The following LCMT2 variants were observed in gnomAD, a reference collection of about 807,000 sequenced individuals.
LCMT2 encodes the protein tRNA wybutosine-synthesizing protein 4.
LCMT2 carries 34 observed loss-of-function variants against 42.0 expected under a neutral mutation model. The ratio of observed to expected loss-of-function variants is 0.81; its 90% CI spans 0.62 to 1.08. The LOEUF (loss-of-function observed/expected upper bound fraction) is 1.08. LCMT2 is among the 50% of genes least tolerant of loss of function. The pLI is 0.00. For synonymous variants in LCMT2, 445 were observed against 369.5 expected (o/e 1.20, Z -2.34); for missense variants, 1,091 against 889.4 (o/e 1.23, Z -2.88).
Position 43,328,928 on chromosome 15 carries a change from C to T in LCMT2, c.1562G>A (p.Trp521Ter). 6.2e-7 allele frequency: 1 copy of T among 1,614,180 alleles called. No homozygotes were observed. Among genetic ancestry groups the T allele is most frequent in the Non-Finnish European group, 8.5e-7 (1 of 1,180,036 alleles). ...TTCTCCCTCCACTGGGATCCTGACCCAAGCCATTGTCCCTACATGGAGGAA... is the reference window on the plus strand; with the variant it reads ...TTCTCCCTCCACTGGGATCCTGACCTAAGCCATTGTCCCTACATGGAGGAA... ...WHFLHVGTMA[W>*]VRIPVEGEVP... is the part of the protein sequence containing the mutation. The change falls in exon 1 of 1, where the codon TGG becomes TAG. Residue 521 changes from tryptophan to a stop codon, truncating the protein, a stop_gained. Coordinates refer to ENST00000305641, the MANE Select transcript of LCMT2 (RefSeq NM_014793.5). LOFTEE classifies it high-confidence loss of function.
chr15:43,325,216 C>A lies in LCMT2; in HGVS notation c.*3213G>T, dbSNP rs1236580185. ...GTAGTTTATCTGGTCTAGAAGTAATCCCTAAAAGAGGAAGAGACCTGTTCA... is the reference window on the plus strand; with the variant it reads ...GTAGTTTATCTGGTCTAGAAGTAATACCTAAAAGAGGAAGAGACCTGTTCA... On this transcript the variant is annotated 3_prime_UTR_variant, in exon 1 of 1. Coordinates refer to ENST00000305641, the MANE Select transcript of LCMT2 (RefSeq NM_014793.5). 6.6e-6 allele frequency: 1 copy of A among 152,186 alleles called. No homozygotes were observed. Among genetic ancestry groups the A allele is most frequent in the Non-Finnish European group, 1.5e-5 (1 of 68,028 alleles). The allele number at this position is 152,186 out of a possible 1,614,324, so 9.4% of individuals were successfully genotyped here.
Position 43,328,759 on chromosome 15 carries a change from T to A in LCMT2, c.1731A>T (p.Val577=). Residue 577 remains valine, a synonymous_variant, in exon 1 of 1, where the codon GTA becomes GTT. Transcript: ENST00000305641. The part of the protein sequence containing the change: ...PISCGFLWES[V]DIQPPITPRY... ...TTGGGGTAATGGGAGGCTGGATGTC[T>A]ACTGACTCCCAGAGGAATCCACAAG... 6.2e-7 allele frequency: 1 copy of A among 1,613,764 alleles called. No individual in the cohort carries two copies. Among genetic ancestry groups the A allele is most frequent in the Non-Finnish European group, 8.5e-7 (1 of 1,180,028 alleles).
Position 43,326,073 on chromosome 15 carries a change from G to C in LCMT2, c.*2356C>G, listed in dbSNP as rs551364952. The C allele has an allele frequency of 5.0e-5, 4 of 79,616 alleles. No individual in the cohort carries two copies. Among genetic ancestry groups the C allele is most frequent in the African/African-American group, 1.5e-4 (3 of 20,316 alleles). The allele number at this position is 79,616 out of a possible 1,614,324, so 4.9% of individuals were successfully genotyped here. A position where few individuals can be genotyped will look rare whatever the true frequency, so the allele number is the denominator to read the frequency against. Reference sequence around the variant, plus strand: ...TTTTTTTTTTTTTTTTTTTTGGGTAGAGACGGAGTTTCACCATATTGGCCA... The same window carrying C: ...TTTTTTTTTTTTTTTTTTTTGGGTACAGACGGAGTTTCACCATATTGGCCA... On this transcript the variant is annotated 3_prime_UTR_variant, in exon 1 of 1. Transcript: ENST00000305641.
rs1474126548 is a variant in LCMT2, at chr15:43,325,017, C to A, written c.*3412G>T. The A allele has an allele frequency of 6.6e-6, 1 of 151,908 alleles. No homozygotes were observed. The highest frequency in any genetic ancestry group is 1.5e-5 in the Non-Finnish European group (1 of 68,010). The allele number at this position is 151,908 out of a possible 1,614,324, so 9.4% of individuals were successfully genotyped here. A position where few individuals can be genotyped will look rare whatever the true frequency, so the allele number is the denominator to read the frequency against. On this transcript the variant is annotated 3_prime_UTR_variant, in exon 1 of 1. Coordinates refer to ENST00000305641, the MANE Select transcript of LCMT2 (RefSeq NM_014793.5). ...AAGCTCCAGAAAGATGAAAAACGGG[C>A]ACTCAGTTTTAAAACTCAGAAAGTA...
rs1264795019 is a variant in LCMT2, at chr15:43,328,707, T to A, written c.1783A>T (p.Asn595Tyr). ...CCTCCAACCAGTAACAGCTTTCCAT[T>A]GAGCACATGAGCTGTGTGGGAGTAC... ...PRYSHTAHVL[N>Y]GKLLLVGGIW... The change falls in exon 1 of 1, where the codon AAT becomes TAT. Residue 595 changes from asparagine (N) to tyrosine (Y), a missense_variant. Transcript: ENST00000305641. The A allele has an allele frequency of 1.9e-6, 3 of 1,614,156 alleles. No individual in the cohort carries two copies. The highest frequency in any genetic ancestry group is 2.5e-6 in the Non-Finnish European group (3 of 1,180,038).
chr15:43,328,578 A>C lies in LCMT2; in HGVS notation c.1912T>G (p.Leu638Val), dbSNP rs756957114. Residue 638 changes from leucine to valine, a missense_variant, in exon 1 of 1, where the codon TTA becomes GTA. Physicochemically the swap from Leu to Val is conservative, Grantham distance 32. Coordinates refer to ENST00000305641, the MANE Select transcript of LCMT2 (RefSeq NM_014793.5). Reference protein sequence around the residue: ...QIDTTYVPWPLMLHNHTSILL... With the variant: ...QIDTTYVPWPVMLHNHTSILL... ...ATACTAGTATGGTTGTGTAACATTA[A>C]TGGCCATGGCACATATGTTGTGTCA... is the stretch of plus-strand genomic sequence containing the variant. 4 of 1,614,236 alleles carry C rather than the reference A, an allele frequency of 2.5e-6. No individual in the cohort carries two copies. The South Asian group carries it at 4.4e-5, about 18-fold the overall frequency.
At position 43,325,217 on chromosome 15, in the gene LCMT2, C is replaced by T. The variant is rs535644828; in HGVS notation, c.*3212G>A. On this transcript the variant is annotated 3_prime_UTR_variant, in exon 1 of 1. Transcript: ENST00000305641. Reference sequence around the variant, plus strand: ...TAGTTTATCTGGTCTAGAAGTAATCCCTAAAAGAGGAAGAGACCTGTTCAT... The same window carrying T: ...TAGTTTATCTGGTCTAGAAGTAATCTCTAAAAGAGGAAGAGACCTGTTCAT... 2 of 152,090 alleles carry T rather than the reference C, an allele frequency of 1.3e-5. No homozygotes were observed. Among genetic ancestry groups the T allele is most frequent in the East Asian group, 3.9e-4 (2 of 5,172 alleles). 9.4% of individuals were successfully genotyped at this position (152,090 alleles called of 1,614,324 possible).
chr15:43,328,343 G>A lies in LCMT2; in HGVS notation c.*86C>T. On this transcript the variant is annotated 3_prime_UTR_variant, in exon 1 of 1. Coordinates refer to ENST00000305641, the MANE Select transcript of LCMT2 (RefSeq NM_014793.5). ...GAAAAAAAGGATGGGGAAAGGAGGA[G>A]TGGCAGTATCTATAGCTAGAGGGTC... 1 of 1,360,964 alleles carries A rather than the reference G, an allele frequency of 7.3e-7. No homozygotes were observed. The highest frequency in any genetic ancestry group is 2.2e-5 in the Admixed American group (1 of 45,892). The allele number at this position is 1,360,964 out of a possible 1,614,324, so 84.3% of individuals were successfully genotyped here. A position where few individuals can be genotyped will look rare whatever the true frequency, so the allele number is the denominator to read the frequency against.
In LCMT2 at chr15:43,330,570, AG is replaced by A; in HGVS notation, c.-82del. The stretch of plus-strand genomic sequence containing the variant: ...TAGCACACACCTCACGGACCTCGGT[AG>A]GGGGAAAAAAACCACCCATGCTCCT... On this transcript the variant is annotated 5_prime_UTR_variant, in exon 1 of 1. Transcript: ENST00000305641. 6.9e-7 allele frequency: 1 copy of A among 1,453,024 alleles called. No individual in the cohort carries two copies. The highest frequency in any genetic ancestry group is 9.1e-7 in the Non-Finnish European group (1 of 1,104,256). The allele number at this position is 1,453,024 out of a possible 1,614,324, so 90.0% of individuals were successfully genotyped here. A position where few individuals can be genotyped will look rare whatever the true frequency, so the allele number is the denominator to read the frequency against.
In LCMT2 at chr15:43,328,552, G is replaced by T. The variant is rs540767087; in HGVS notation, c.1938C>A (p.Ile646=). 1.3e-5 allele frequency: 21 copies of T among 1,614,208 alleles called. No individual in the cohort carries two copies. The South Asian group carries it at 2.1e-4, about 16-fold the overall frequency. ...WPLMLHNHTS[I]LLPEEQQLLL... ...GGAGCTGTTGCTCTTCAGGAAGAAG[G>T]ATACTAGTATGGTTGTGTAACATTA... is the stretch of plus-strand genomic sequence containing the variant. Residue 646 remains isoleucine (I), a synonymous_variant, in exon 1 of 1, where the codon ATC becomes ATA. Transcript: ENST00000305641.
At position 43,328,605 on chromosome 15, in the gene LCMT2, T is replaced by C; in HGVS notation, c.1885A>G (p.Ile629Val). The C allele has an allele frequency of 6.2e-7, 1 of 1,614,240 alleles. No individual in the cohort carries two copies. The highest frequency in any genetic ancestry group is 2.2e-5 in the East Asian group (1 of 44,888). ...LTTGLSSEYQ[I>V]DTTYVPWPLM... The stretch of plus-strand genomic sequence containing the variant: ...GGCCATGGCACATATGTTGTGTCAA[T>C]CTGATACTCAGAGCTCAATCCTGTA... The change falls in exon 1 of 1, where the codon ATT (isoleucine) becomes GTT (valine). Residue 629 changes from isoleucine (I) to valine (V), a missense_variant. Coordinates refer to ENST00000305641, the MANE Select transcript of LCMT2 (RefSeq NM_014793.5).
Position 43,328,845 on chromosome 15 carries a change from C to CA in LCMT2, c.1644dup (p.Ala549CysfsTer8), listed in dbSNP as rs1263140873. On this transcript the variant is annotated frameshift_variant, in exon 1 of 1. Transcript: ENST00000305641. LOFTEE classifies it high-confidence loss of function. ...TCCTCAGAAGCCCCGAGACCTCCAG[C>CA]AATAAGGGCTCCCCCTTGCCAAGTG... The CA allele has an allele frequency of 6.2e-7, 1 of 1,613,728 alleles. No homozygotes were observed. Among genetic ancestry groups the CA allele is most frequent in the East Asian group, 2.2e-5 (1 of 44,878 alleles).
chr15:43,329,714 A>G lies in LCMT2; in HGVS notation c.776T>C (p.Leu259Pro), dbSNP rs1555387887. ...PDVEAQRRRFLQAGWTACGAV... is the reference protein window; with the variant it reads ...PDVEAQRRRFPQAGWTACGAV... ...ACCGCAGGCGGTCCAGCCAGCTTGA[A>G]GGAAGCGGCGCCGCTGCGCCTCCAC... Residue 259 changes from leucine (L) to proline (P), a missense_variant, in exon 1 of 1, where the codon CTT becomes CCT. Coordinates refer to ENST00000305641, the MANE Select transcript of LCMT2 (RefSeq NM_014793.5). 1 of 1,613,442 alleles carries G rather than the reference A, an allele frequency of 6.2e-7. No homozygotes were observed. Among genetic ancestry groups the G allele is most frequent in the Admixed American group, 1.7e-5 (1 of 60,024 alleles).
rs1566854779 is a variant in LCMT2 at position 43,328,855 on chromosome 15, TC to T, written c.1634del (p.Gly545GlufsTer15). 6.2e-7 allele frequency: 1 copy of T among 1,613,566 alleles called. No individual in the cohort carries two copies. The highest frequency in any genetic ancestry group is 8.5e-7 in the Non-Finnish European group (1 of 1,179,954). ...HSHSACTWQGGALIAGGLGAS... is the reference protein window; with the variant it reads ...HSHSACTWQGXALIAGGLGAS... ...CCCCGAGACCTCCAGCAATAAGGGCTCCCCCTTGCCAAGTGCAGGCACTGTG... is the reference window on the plus strand; with the variant it reads ...CCCCGAGACCTCCAGCAATAAGGGCTCCCCTTGCCAAGTGCAGGCACTGTG... On this transcript the variant is annotated frameshift_variant, in exon 1 of 1. Coordinates refer to ENST00000305641, the MANE Select transcript of LCMT2 (RefSeq NM_014793.5). LOFTEE classifies it high-confidence loss of function.
Position 43,330,239 on chromosome 15 carries a change from T to A in LCMT2, c.251A>T (p.Gln84Leu), listed in dbSNP as rs747212604. 1.2e-6 allele frequency: 2 copies of A among 1,606,484 alleles called. No homozygotes were observed. The highest frequency in any genetic ancestry group is 1.3e-5 in the African/African-American group (1 of 74,240). Residue 84 changes from glutamine (Q) to leucine (L), a missense_variant, in exon 1 of 1, where the codon CAG (glutamine) becomes CTG (leucine). Transcript: ENST00000305641. ...GAAGCCAGCGCCGAGAGACAAGATC[T>A]GCGCGCGAAGCGCGGCCTGGGGCGC... ...IGAPQAALRA[Q>L]ILSLGAGFDS...
At position 43,328,455 on chromosome 15, in the gene LCMT2, G is replaced by A. The variant is rs755941118; in HGVS notation, c.2035C>T (p.Leu679Phe). ...YFNPHTVTLDLSSLSAGQ is the reference protein window; with the variant it reads ...YFNPHTVTLDFSSLSAGQ ...TACTGCCCAGCACTTAAGGAAGAAA[G>A]GTCTAATGTGACTGTATGGGGGTTG... is the stretch of plus-strand genomic sequence containing the variant. Residue 679 changes from leucine (L) to phenylalanine (F), a missense_variant, in exon 1 of 1, where the codon CTT (leucine) becomes TTT (phenylalanine). By Grantham distance (22) the Leu-to-Phe change is conservative. Coordinates refer to ENST00000305641, the MANE Select transcript of LCMT2 (RefSeq NM_014793.5). The A allele has an allele frequency of 6.2e-7, 1 of 1,614,006 alleles. No homozygotes were observed. The highest frequency in any genetic ancestry group is 8.5e-7 in the Non-Finnish European group (1 of 1,179,950).
Position 43,329,781 on chromosome 15 carries a change from G to A in LCMT2, c.709C>T (p.Gln237Ter), listed in dbSNP as rs962763539. Reference protein sequence around the residue: ...FGQFMLQHFRQLNSPLHGLER... With the variant: ...FGQFMLQHFR ...AGGCCATGCAGGGGGGAGTTTAGCT[G>A]CCGAAAATGTTGCAGCATGAACTGG... The change falls in exon 1 of 1, where the codon CAG becomes TAG. Residue 237 changes from glutamine (Q) to a stop codon, truncating the protein, a stop_gained. Coordinates refer to ENST00000305641, the MANE Select transcript of LCMT2 (RefSeq NM_014793.5). LOFTEE classifies it high-confidence loss of function. 3.1e-6 allele frequency: 5 copies of A among 1,613,742 alleles called. No individual in the cohort carries two copies. The African/African-American group carries it at 4.0e-5, about 13-fold the overall frequency.
chr15:43,324,754 G>A lies in LCMT2; in HGVS notation c.*3675C>T, dbSNP rs1434201999. On this transcript the variant is annotated 3_prime_UTR_variant, in exon 1 of 1. Coordinates refer to ENST00000305641, the MANE Select transcript of LCMT2 (RefSeq NM_014793.5). ...CTCTTCAAAGGCTTCTCTTGCACAG[G>A]GAGAAAGCGGTTGGTTCCATTTGGG... 6.6e-6 allele frequency: 1 copy of A among 152,272 alleles called. No individual in the cohort carries two copies. Among genetic ancestry groups the A allele is most frequent in the Admixed American group, 6.5e-5 (1 of 15,282 alleles). 9.4% of individuals were successfully genotyped at this position (152,272 alleles called of 1,614,324 possible). A position where few individuals can be genotyped will look rare whatever the true frequency, so the allele number is the denominator to read the frequency against.
At position 43,328,692 on chromosome 15, in the gene LCMT2, G is replaced by T. The variant is rs776442476; in HGVS notation, c.1798C>A (p.Leu600Met). The change falls in exon 1 of 1, where the codon CTG becomes ATG. Residue 600 changes from leucine to methionine, a missense_variant. Physicochemically the swap from Leu to Met is conservative, Grantham distance 15. Transcript: ENST00000305641. ...TAHVLNGKLLLVGGIWIHSSS... is the reference protein window; with the variant it reads ...TAHVLNGKLLMVGGIWIHSSS... ...GAATGAATCCAGATCCCTCCAACCA[G>T]TAACAGCTTTCCATTGAGCACATGA... 1 of 1,614,240 alleles carries T rather than the reference G, an allele frequency of 6.2e-7. No homozygotes were observed. The highest frequency in any genetic ancestry group is 8.5e-7 in the Non-Finnish European group (1 of 1,180,048).
Sources: gnomAD v4.1 joint callset for allele counts on GRCh38, gnomAD v4.1.1 for gene constraint, MANE v1.5 for transcripts, NCBI Gene and HGNC (gene_info 2026-07-23, HGNC 2026-07-21) for gene names.